NRG1: variants seen among roughly 807,000 people sequenced by gnomAD.
NRG1 encodes neuregulin 1, also known as pro-neuregulin-1, membrane-bound isoform.
NRG1 carries 18 observed loss-of-function variants against 63.8 expected under a neutral mutation model. That is an observed-to-expected ratio of 0.28 (90% CI 0.19 to 0.42). NRG1 has a LOEUF of 0.42. NRG1 is among the 10% of genes least tolerant of loss of function. NRG1 has a pLI of 1.00. For missense variants in NRG1, 762 were observed against 814.7 expected, an observed-to-expected ratio of 0.94 and a Z score of 0.79; for synonymous variants, 302 against 301.3, an observed-to-expected ratio of 1.00 and a Z score of -0.02.
At chr8:32,038,875 C>T (rs1586658057) in intron 1 of NRG1, among the ~76,000 whole-genome samples, 2 of 152,084 alleles carry the variant, frequency 1.3e-5, no homozygotes, top group Admixed American at 6.5e-5. Flanking sequence ...GAATGCTGTC[C>T]CTGGAAACCT....
rs1826448221 is a variant in NRG1 at position 32,742,086 on chromosome 8, A to G, written c.633-589A>G. 1 of 1,611,242 alleles carries G rather than the reference A, an allele frequency of 6.2e-7. No homozygotes were observed. Among genetic ancestry groups the G allele is most frequent in the African/African-American group, 1.3e-5 (1 of 74,852 alleles). On this transcript the variant is annotated intron_variant, in intron 6 of 11. Transcript: ENST00000356819. This position sits in a 1 kb window ranked among gnomAD's most constrained non-coding sequence, Gnocchi z 4.2. ...TCCAAAACCAAGAAAGTATGTCAAAATAATCTGAAATTTGCTTTCTCCCCC... is the reference window on the plus strand; with the variant it reads ...TCCAAAACCAAGAAAGTATGTCAAAGTAATCTGAAATTTGCTTTCTCCCCC...
intron 1 of NRG1, among the ~76,000 whole-genome samples, chr8:31,839,261 G>A (rs1421952349): frequency 6.6e-6 from 1 of 152,132 alleles, no homozygotes; most frequent in Non-Finnish European, 1.5e-5. Flanking sequence ...AACCCCAGTG[G>A]TCCCTGCTGT....
rs140755305 is a variant in NRG1 at position 32,709,414 on chromosome 8, A to C, written c.503-18535A>C. The stretch of plus-strand genomic sequence containing the variant: ...ATATTTCAAATTTTATTTTATTATT[A>C]TTCATTTTTATTTTTATTTTTTTGA... On this transcript the variant is annotated intron_variant, in intron 5 of 11. Transcript: ENST00000356819. Among the ~76,000 whole-genome samples, 519 of 151,948 alleles carry C rather than the reference A, an allele frequency of 3.4e-3. 6 individuals carry two copies. Among genetic ancestry groups the C allele is most frequent in the African/African-American group, 0.012 (492 of 41,468 alleles).
intron 5 of NRG1, among the ~76,000 whole-genome samples, chr8:32,626,892 A>G (rs549621694): frequency 9.4e-4 from 141 of 149,306 alleles, no homozygotes; most frequent in African/African-American, 3.3e-3. Context: ...ATGGAGGCAC[A>G]TGTCTGTAAT....
chr8:31,639,762 TG>T (rs1340705267), intron 1 of NRG1: 16 of 1,345,368 alleles, frequency 1.2e-5, no homozygotes, highest in Non-Finnish European at 1.4e-5. Context: ...TTTTTTTTTT[TG>T]CCCTTATACC....
chr8:32,535,549 A>AC (rs1218397792), intron 1 of NRG1, among the ~76,000 whole-genome samples: 1 of 152,120 alleles, frequency 6.6e-6, no homozygotes, highest in Non-Finnish European at 1.5e-5. Flanking sequence ...TCCTCCTTGG[A>AC]CCCATGGACA....
intron 1 of NRG1, among the ~76,000 whole-genome samples, chr8:32,551,055 A>G (rs1834011664): frequency 6.6e-6 from 1 of 152,226 alleles, no homozygotes; most frequent in South Asian, 2.1e-4. Context: ...ATTAAATACA[A>G]TGCTTCAGAA....
In NRG1 at chr8:31,958,076, TAGATAGAC is replaced by T. The variant is rs1410133363; in HGVS notation, c.37+318649_37+318656del. On this transcript the variant is annotated intron_variant, in intron 1 of 10. Coordinates refer to the NRG1 transcript ENST00000519301. ...ATAGATAGATAGATAGATAGATAGA[TAGATAGAC>T]AGACAGATAGATAGGCAGAGATGTT... Among the ~76,000 whole-genome samples the T allele has an allele frequency of 7.4e-4, 113 of 151,960 alleles. No homozygotes were observed. The Middle Eastern group carries it at 0.014, about 18-fold the overall frequency.
intron 1 of NRG1, among the ~76,000 whole-genome samples, chr8:31,986,917 A>G (rs1810160543): frequency 6.6e-6 from 1 of 152,184 alleles, no homozygotes; most frequent in African/African-American, 2.4e-5. Context: ...GGCAAAAGCC[A>G]TAAGTGAAAC....
intron 1 of NRG1, among the ~76,000 whole-genome samples, chr8:32,149,373 G>A (rs2131811464): frequency 6.6e-6 from 1 of 152,180 alleles, no homozygotes; most frequent in East Asian, 1.9e-4. Flanking sequence ...CGGATGTCTG[G>A]CCTTTACTCC....
Position 32,174,286 on chromosome 8 carries a change from G to A in NRG1, c.38-421542G>A, listed in dbSNP as rs549516442. ...AATTAAGATGTTCTTTGAAACCAAC[G>A]AGAACAAAGACACAACATACCAGAA... is the stretch of plus-strand genomic sequence containing the variant. On this transcript the variant is annotated intron_variant, in intron 1 of 10. Coordinates refer to the NRG1 transcript ENST00000519301. 9.5e-4 allele frequency among the ~76,000 whole-genome samples: 145 copies of A among 152,176 alleles called. 2 individuals are homozygous for A. The South Asian group carries it at 0.015, about 16-fold the overall frequency.
rs75509466 is a variant in NRG1, at chr8:32,443,848, T to A, written c.38-151980T>A. On this transcript the variant is annotated intron_variant, in intron 1 of 10. Transcript: ENST00000519301. The stretch of plus-strand genomic sequence containing the variant: ...GAGTTTCTTAAAGAGAGAAAAAAAA[T>A]GTATGGCTTTAGAAAAATCCTAGTG... 3.3e-3 allele frequency among the ~76,000 whole-genome samples: 456 copies of A among 140,156 alleles called. 5 individuals carry two copies. Among genetic ancestry groups the A allele is most frequent in the South Asian group, 0.028 (120 of 4,304 alleles). 91.9% of individuals were successfully genotyped at this position (140,156 alleles called of 152,430 possible).
At chr8:32,648,020 C>G in intron 5 of NRG1, 3 of 1,614,102 alleles carry the variant, frequency 1.9e-6, no homozygotes, top group Non-Finnish European at 2.5e-6. Flanking sequence ...TATTTGTGGA[C>G]AAGATCTTTG....
chr8:32,654,489 G>A (rs1381109435), intron 5 of NRG1, among the ~76,000 whole-genome samples: 1 of 151,798 alleles, frequency 6.6e-6, no homozygotes, highest in African/African-American at 2.4e-5. Flanking sequence ...ATTAGCCAGG[G>A]GTGGGGGTTC....
At chr8:31,754,376 C>T (rs924555312) in intron 1 of NRG1, among the ~76,000 whole-genome samples, 6 of 152,040 alleles carry the variant, frequency 3.9e-5, no homozygotes, top group African/African-American at 4.8e-5. Context: ...TCTTTAAAAG[C>T]GTGTGATGCT....
At chr8:32,694,980 C>A (rs575628992) in intron 5 of NRG1, among the ~76,000 whole-genome samples, 1 of 152,022 alleles carries the variant, frequency 6.6e-6, no homozygotes, top group African/African-American at 2.4e-5. Flanking sequence ...ACTGATGATG[C>A]GAAAGGTGAG....
intron 1 of NRG1, among the ~76,000 whole-genome samples, chr8:32,345,951 T>C (rs947857095): frequency 6.6e-6 from 1 of 151,798 alleles, no homozygotes; most frequent in South Asian, 2.1e-4. Flanking sequence ...GAAGTTGCAG[T>C]GAGCCAAGAT....
At chr8:32,090,176 G>T (rs532758692) in intron 1 of NRG1, among the ~76,000 whole-genome samples, 73 of 152,274 alleles carry the variant, frequency 4.8e-4, no homozygotes, top group African/African-American at 1.6e-3. Context: ...AATGCTGATA[G>T]AATCATACCT....
At chr8:32,028,495 A>C (rs964588104) in intron 1 of NRG1, among the ~76,000 whole-genome samples, 1 of 152,212 alleles carries the variant, frequency 6.6e-6, no homozygotes, top group African/African-American at 2.4e-5. Context: ...TCATCTGTAT[A>C]ATAAGAGCTT....
Sources: gnomAD v4.1 joint callset for allele counts (sites outside exome capture counted in the v4.1 genomes callset) on GRCh38, gnomAD v4.1.1 for gene constraint, Gnocchi (gnomAD v3.1) non-coding constraint, MANE v1.5 for transcripts, NCBI Gene and HGNC (gene_info 2026-07-23, HGNC 2026-07-21) for gene names.